Variants in TTC34 observed in about 807,000 individuals in gnomAD.
TTC34 encodes tetratricopeptide repeat protein 34.
Under a neutral mutation model 40.7 loss-of-function variants are expected in TTC34, and 44 were observed. The observed-to-expected ratio is 1.08, with a 90% CI of 0.85 to 1.39. The LOEUF is 1.39. Ranked by LOEUF, TTC34 falls within the 40% of genes most tolerant of loss-of-function variation. TTC34 has a pLI of 0.00. For synonymous variants in TTC34, 422 were observed against 398.6 expected (o/e 1.06, Z -0.70); for missense variants, 884 against 838.0 (o/e 1.05, Z -0.68).
exon 9 of TTC34, chr1:2,637,404 T>G (rs1020504665): frequency 6.6e-6 from 1 of 152,062 alleles, no homozygotes; most frequent in Non-Finnish European, 1.5e-5. Flanking sequence ...CTGCCTAGGA[T>G]TTGTCTGCCT....
At chr1:2,780,841 T>C (rs1321114281) in intron 6 of TTC34, among the ~76,000 whole-genome samples, 1 of 152,226 alleles carries the variant, frequency 6.6e-6, no homozygotes, top group Non-Finnish European at 1.5e-5. Flanking sequence ...TGTAGATCAC[T>C]TTGGGTAATA....
At chr1:2,778,860 C>G (rs1016174319) in intron 6 of TTC34, among the ~76,000 whole-genome samples, 4 of 152,208 alleles carry the variant, frequency 2.6e-5, no homozygotes, top group Middle Eastern at 3.2e-3. Context: ...CTTTCCAGAA[C>G]TAGCTCATCT....
chr1:2,800,128 G>C, exon 2 of TTC34: 1 of 398,566 alleles, frequency 2.5e-6, no homozygotes, highest in Non-Finnish European at 4.4e-6. Flanking sequence ...CTGTGGAGCA[G>C]AGCTTCAGGT....
chr1:2,683,436 C>T (rs1470216751), intron 6 of TTC34, among the ~76,000 whole-genome samples: 1 of 144,026 alleles, frequency 6.9e-6, no homozygotes, highest in Non-Finnish European at 1.5e-5. Context: ...CCTTCACCCC[C>T]AGGTGAGCAT....
intron 6 of TTC34, among the ~76,000 whole-genome samples, chr1:2,781,867 CT>C (rs2100618371): frequency 6.6e-6 from 1 of 152,294 alleles, no homozygotes; most frequent in African/African-American, 2.4e-5. Context: ...ATAAATCTCA[CT>C]TGGTCACGTG....
At chr1:2,655,544 C>T (rs1165003502) in intron 6 of TTC34, among the ~76,000 whole-genome samples, 12 of 123,860 alleles carry the variant, frequency 9.7e-5, no homozygotes, top group African/African-American at 3.2e-4. Flanking sequence ...CCCCAGTGAG[C>T]ATCTGACAGC....
intron 6 of TTC34, among the ~76,000 whole-genome samples, chr1:2,674,988 G>T: frequency 8.7e-6 from 1 of 115,552 alleles, no homozygotes. Flanking sequence ...ACAACCTGGA[G>T]CAGCACCCAC....
intron 6 of TTC34, among the ~76,000 whole-genome samples, chr1:2,683,249 T>C (rs1287248727): frequency 8.7e-5 from 11 of 126,214 alleles, no homozygotes; most frequent in Non-Finnish European, 1.0e-4. Context: ...GAGCATCTGA[T>C]GGTTTGCAGC....
intron 2 of TTC34, among the ~76,000 whole-genome samples, chr1:2,798,100 G>C (rs1464757969): frequency 1.4e-5 from 2 of 141,194 alleles, no homozygotes; most frequent in Non-Finnish European, 3.1e-5. Context: ...CAGCCTCCAA[G>C]CCTCTGAGCC....
At chr1:2,788,614 AT>A (rs1358146984) in intron 3 of TTC34, among the ~76,000 whole-genome samples, 2 of 152,308 alleles carry the variant, frequency 1.3e-5, no homozygotes, top group African/African-American at 4.8e-5. Flanking sequence ...CTGGCAAATA[AT>A]TTGCAAAATG....
intron 6 of TTC34, among the ~76,000 whole-genome samples, chr1:2,675,121 C>G (rs140824533): frequency 1.6e-3 from 4 of 2,436 alleles, no homozygotes; most frequent in Non-Finnish European, 3.1e-3. Context: ...GTGCCCACAC[C>G]CCCAGGTGAG....
chr1:2,788,149 G>A (rs939627085), intron 3 of TTC34, among the ~76,000 whole-genome samples: 3 of 152,234 alleles, frequency 2.0e-5, no homozygotes, highest in Non-Finnish European at 4.4e-5. Flanking sequence ...CCTCAAATTT[G>A]ACAATTTCCA....
At chr1:2,759,407 G>A (rs1337180541) in intron 6 of TTC34, among the ~76,000 whole-genome samples, 58 of 8,102 alleles carry the variant, frequency 7.2e-3, no homozygotes, top group East Asian at 0.012. Context: ...CCCCCAGGTG[G>A]GCATGTGACA....
At chr1:2,774,682 C>CCG in intron 6 of TTC34, 1 of 52,662 alleles carries the variant, frequency 1.9e-5, no homozygotes, top group Non-Finnish European at 3.9e-5. Context: ...GAGCATCTGA[C>CCG]AGCCTGGAGC....
intron 6 of TTC34, among the ~76,000 whole-genome samples, chr1:2,698,997 AAAG>A (rs1240974783): frequency 1.6e-4 from 22 of 139,272 alleles, no homozygotes; most frequent in South Asian, 2.3e-4. Context: ...GACAGCCTGG[AAAG>A]GCACCCACAC....
chr1:2,753,989 T>C (rs1465924042), intron 6 of TTC34, among the ~76,000 whole-genome samples: 142 of 14,354 alleles, frequency 9.9e-3, no homozygotes, highest in African/African-American at 0.016. Flanking sequence ...CCCAGGCGAG[T>C]ATCTGTACGC....
chr1:2,789,927 G>T, exon 3 of TTC34: 1 of 394,744 alleles, frequency 2.5e-6, no homozygotes, highest in Admixed American at 4.4e-5. Context: ...TCCTCAGGGC[G>T]TGCGGGCCGC....
intron 6 of TTC34, among the ~76,000 whole-genome samples, chr1:2,664,967 T>C (rs1335478076): frequency 1 from 10 of 10 alleles, 5 homozygotes; most frequent in Non-Finnish European, 1. Flanking sequence ...GCAACCACAC[T>C]CCCAGGCGAG....
exon 2 of TTC34, chr1:2,800,457 C>T (rs1022558345): frequency 2.0e-5 from 8 of 398,408 alleles, no homozygotes; most frequent in African/African-American, 8.2e-5. Flanking sequence ...GGCGCTGCAG[C>T]GTTGCACCAC....
Sources: gnomAD v4.1 joint callset for allele counts (sites outside exome capture counted in the v4.1 genomes callset) on GRCh38, gnomAD v4.1.1 for gene constraint, MANE v1.5 for transcripts, NCBI Gene and HGNC (gene_info 2026-07-23, HGNC 2026-07-21) for gene names.